Variants in HSD17B12 observed in about 807,000 individuals in gnomAD.
The protein encoded by HSD17B12 is very-long-chain 3-oxoacyl-CoA reductase.
HSD17B12 carries 32 observed loss-of-function variants against 39.3 expected under a neutral mutation model. The ratio of observed to expected loss-of-function variants is 0.81; its 90% CI spans 0.61 to 1.09. HSD17B12 has a LOEUF of 1.09. Ranked by LOEUF, HSD17B12 falls within the 50% of genes least tolerant of loss-of-function variation. HSD17B12 has a pLI of 0.00. For missense variants in HSD17B12, 342 were observed against 382.9 expected (o/e 0.89, Z 0.89); for synonymous variants, 150 against 146.7 (o/e 1.02, Z -0.16).
chr11:43,624,544 GA>G, the HSD17B12 span, among the ~76,000 whole-genome samples: 1 of 151,662 alleles, frequency 6.6e-6, no homozygotes, highest in Non-Finnish European at 1.5e-5. Context: ...AATAAAGAAA[GA>G]AATTGTTACC....
At chr11:43,833,781 GAGATTTTCCA>G (rs1951338564) in intron 7 of HSD17B12, 2 of 152,142 alleles carry the variant, frequency 1.3e-5, no homozygotes, top group Non-Finnish European at 2.9e-5. Context: ...TCTGATGTGG[GAGATTTTCCA>G]AACCCTCTAG....
the HSD17B12 span, among the ~76,000 whole-genome samples, chr11:43,598,949 A>G: frequency 6.6e-6 from 1 of 152,220 alleles, no homozygotes; most frequent in African/African-American, 2.4e-5. Context: ...ACCCTAAACC[A>G]GACATTTAAA....
chr11:43,777,086 T>C (rs1199908486), intron 3 of HSD17B12, among the ~76,000 whole-genome samples: 13 of 152,170 alleles, frequency 8.5e-5, no homozygotes, highest in African/African-American at 2.4e-4. Flanking sequence ...CTTGGCAATG[T>C]GGGCTCTTTT....
intron 3 of HSD17B12, among the ~76,000 whole-genome samples, chr11:43,782,516 TA>T (rs2135013629): frequency 6.6e-6 from 1 of 152,070 alleles, no homozygotes; most frequent in East Asian, 1.9e-4. Context: ...CCCCGTTTAC[TA>T]AAACTACAAA....
the HSD17B12 span, among the ~76,000 whole-genome samples, chr11:43,610,936 C>T: frequency 2.0e-5 from 3 of 152,186 alleles, no homozygotes; most frequent in African/African-American, 4.8e-5. Context: ...CCTTTTGGCA[C>T]TCCAGAGACT....
chr11:43,801,508 G>A (rs899217108), intron 4 of HSD17B12, among the ~76,000 whole-genome samples: 1 of 151,878 alleles, frequency 6.6e-6, no homozygotes, highest in African/African-American at 2.4e-5. Flanking sequence ...TTGAGGAGGA[G>A]CCTTTTGGGG....
chr11:43,703,269 A>G (rs1328854267), intron 1 of HSD17B12, among the ~76,000 whole-genome samples: 1 of 151,678 alleles, frequency 6.6e-6, no homozygotes, highest in Non-Finnish European at 1.5e-5. Context: ...ATCTTGGCTC[A>G]CTGCAAGCTC....
chr11:43,789,582 T>C (rs1366801503), intron 3 of HSD17B12, among the ~76,000 whole-genome samples: 1 of 152,088 alleles, frequency 6.6e-6, no homozygotes, highest in East Asian at 1.9e-4. Flanking sequence ...GCAGTGGTGG[T>C]GGAATATTAT....
chr11:43,787,738 G>GA (rs34311637), intron 3 of HSD17B12, among the ~76,000 whole-genome samples: 50,057 of 140,518 alleles, frequency 0.36, 9,301 homozygotes, highest in East Asian at 0.67. Flanking sequence ...CTCCGTCTCG[G>GA]AAAAAAAAAA....
At chr11:43,654,182 A>G in the HSD17B12 span, among the ~76,000 whole-genome samples, 2 of 152,206 alleles carry the variant, frequency 1.3e-5, no homozygotes, top group African/African-American at 2.4e-5. Context: ...TTTTGGCTGC[A>G]TAAATGTCTT....
chr11:43,814,387 T>C (rs1407950808), intron 4 of HSD17B12, among the ~76,000 whole-genome samples: 1 of 152,180 alleles, frequency 6.6e-6, no homozygotes, highest in Non-Finnish European at 1.5e-5. Context: ...TGATTAAGTG[T>C]AGATAGGCAG....
chr11:43,566,808 G>A, the HSD17B12 span, among the ~76,000 whole-genome samples: 27 of 152,304 alleles, frequency 1.8e-4, no homozygotes, highest in African/African-American at 6.3e-4. Flanking sequence ...GATTGCAGGC[G>A]TGAGCCACCA....
chr11:43,614,905 C>G, the HSD17B12 span, among the ~76,000 whole-genome samples: 1 of 151,800 alleles, frequency 6.6e-6, no homozygotes. Flanking sequence ...TTTTAAAGTC[C>G]TTAAATACTA....
chr11:43,773,567 T>A (rs964861207), intron 3 of HSD17B12, among the ~76,000 whole-genome samples: 2 of 152,154 alleles, frequency 1.3e-5, no homozygotes, highest in African/African-American at 2.4e-5. Context: ...TTAGAGTAGT[T>A]TGAGTTCACA....
chr11:43,739,654 C>G (rs1950346845), intron 1 of HSD17B12, among the ~76,000 whole-genome samples: 1 of 151,692 alleles, frequency 6.6e-6, no homozygotes, highest in African/African-American at 2.4e-5. Flanking sequence ...GCCTAATCAC[C>G]TCTTAATGTC....
rs147555728 is a variant in HSD17B12 at position 43,840,827 on chromosome 11, A to G, written c.684+763A>G. Reference sequence around the variant, plus strand: ...GTTGGGTATTGTAAATAATGCTAATATGAGCATGAGTGTACAAATATCTCT... The same window carrying G: ...GTTGGGTATTGTAAATAATGCTAATGTGAGCATGAGTGTACAAATATCTCT... On this transcript the variant is annotated intron_variant, in intron 9 of 10. Coordinates refer to ENST00000278353, the MANE Select transcript of HSD17B12 (RefSeq NM_016142.3). Among the ~76,000 whole-genome samples, 25 of 152,326 alleles carry G rather than the reference A, an allele frequency of 1.6e-4. No homozygotes were observed. The East Asian group carries it at 4.2e-3, about 26-fold the overall frequency.
the HSD17B12 span, among the ~76,000 whole-genome samples, chr11:43,631,207 G>A: frequency 1.3e-5 from 2 of 152,204 alleles, no homozygotes; most frequent in African/African-American, 4.8e-5. Flanking sequence ...GAAGGTTGGT[G>A]CATTCAGAAA....
chr11:43,600,215 C>T, the HSD17B12 span, among the ~76,000 whole-genome samples: 3 of 152,046 alleles, frequency 2.0e-5, no homozygotes, highest in South Asian at 2.1e-4. Flanking sequence ...TAGCTATTGT[C>T]TAGCATTCAT....
At chr11:43,681,401 GGCCCTGT>G in intron 1 of HSD17B12, 2 of 162,902 alleles carry the variant, frequency 1.2e-5, no homozygotes, top group South Asian at 3.0e-4. Flanking sequence ...TTTGAATATT[GGCCCTGT>G]GCTAAGGATG....
Sources: gnomAD v4.1 joint callset for allele counts (sites outside exome capture counted in the v4.1 genomes callset) on GRCh38, gnomAD v4.1.1 for gene constraint, MANE v1.5 for transcripts, NCBI Gene and HGNC (gene_info 2026-07-23, HGNC 2026-07-21) for gene names.